The following GIPC1 variants were observed in gnomAD, a reference collection of about 807,000 sequenced individuals.
The protein encoded by GIPC1 is PDZ domain-containing protein GIPC1.
GIPC1 carries 15 observed loss-of-function variants against 28.5 expected under a neutral mutation model. The observed-to-expected ratio is 0.53, with a 90% CI of 0.35 to 0.81. The LOEUF is 0.81. Among genes scored for constraint, GIPC1 ranks in the 30% least tolerant of loss-of-function variants. GIPC1 has a pLI of 0.01. For missense variants in GIPC1, 439 were observed against 481.9 expected, an observed-to-expected ratio of 0.91 and a Z score of 0.83; for synonymous variants, 224 against 206.1, an observed-to-expected ratio of 1.09 and a Z score of -0.74.
chr19:14,485,694 TATATATATAGAGAG>T (rs1433813108), intron 3 of GIPC1, among the ~76,000 whole-genome samples: 4 of 77,350 alleles, frequency 5.2e-5, no homozygotes, highest in Admixed American at 1.6e-4. Context: ...AATATATATA[TATATATATAGAGAG>T]AGAGAGAGAG....
intron 3 of GIPC1, among the ~76,000 whole-genome samples, chr19:14,487,476 C>T (rs924223881): frequency 4.6e-5 from 7 of 151,264 alleles, no homozygotes; most frequent in African/African-American, 1.2e-4. Flanking sequence ...CCTCGTGATT[C>T]GCTCGCCTCA....
intron 2 of GIPC1, among the ~76,000 whole-genome samples, chr19:14,492,652 A>C (rs1599365751): frequency 1.3e-5 from 2 of 152,180 alleles, no homozygotes; most frequent in Middle Eastern, 6.8e-3. Flanking sequence ...CCTTTTCCCA[A>C]GATCCCTACA....
chr19:14,486,346 C>G (rs2071843413), intron 3 of GIPC1, among the ~76,000 whole-genome samples: 1 of 152,198 alleles, frequency 6.6e-6, no homozygotes, highest in South Asian at 2.1e-4. Context: ...GACTCTCCCC[C>G]TTTGGACCAA....
chr19:14,479,898 C>G (rs1816023406), intron 6 of GIPC1: 3 of 397,524 alleles, frequency 7.5e-6, no homozygotes, highest in Non-Finnish European at 1.4e-5. Context: ...ACCAGCCCTA[C>G]CTGCCCAGGG....
chr19:14,479,483 C>T lies in GIPC1; in HGVS notation c.697G>A (p.Gly233Ser). The T allele has an allele frequency of 6.9e-7, 1 of 1,443,824 alleles. No homozygotes were observed. 89.4% of individuals were successfully genotyped at this position (1,443,824 alleles called of 1,614,324 possible). The part of the protein sequence containing the change: ...QRSAGGRPGS[G>S]PQLGTGRGTL... ...CCTCGGCCAGTGCCCAGTTGTGGGC[C>T]AGAGCCAGGGCGGCCACCCGCTGAA... Residue 233 changes from glycine to serine, a missense_variant, in exon 7 of 9, where the codon GGC becomes AGC. Gly to Ser is a moderately conservative substitution (Grantham distance 56). Coordinates refer to ENST00000393033, the MANE Select transcript of GIPC1 (RefSeq NM_005716.4).
chr19:14,494,846 G>A (rs1009117677), intron 1 of GIPC1, among the ~76,000 whole-genome samples: 5 of 152,126 alleles, frequency 3.3e-5, no homozygotes, highest in Admixed American at 2.6e-4. Flanking sequence ...GAGTGTTTGG[G>A]CTGGAATTTC....
intron 3 of GIPC1, among the ~76,000 whole-genome samples, chr19:14,490,756 G>A (rs897096379): frequency 6.0e-5 from 9 of 148,846 alleles, no homozygotes; most frequent in Admixed American, 2.7e-4. Context: ...GGTGGATCAC[G>A]AGGTCAGGAG....
intron 3 of GIPC1, chr19:14,483,434 T>C (rs191749140): frequency 2.3e-3 from 349 of 155,082 alleles, no homozygotes; most frequent in African/African-American, 8.3e-3. Context: ...CTAGCCTGGG[T>C]GACAGACTAA....
chr19:14,489,202 C>T (rs965720085), intron 3 of GIPC1, among the ~76,000 whole-genome samples: 5 of 152,180 alleles, frequency 3.3e-5, no homozygotes, highest in Non-Finnish European at 7.3e-5. Context: ...GGATTATAGG[C>T]ATGAGCTACC....
At position 14,483,060 on chromosome 19, in the gene GIPC1, C is replaced by T. The variant is rs979779157; in HGVS notation, c.-30-54G>A. 22 of 1,263,760 alleles carry T rather than the reference C, an allele frequency of 1.7e-5. No homozygotes were observed. In the African/African-American group the frequency reaches 2.8e-4, roughly 16 times the overall value. 78.3% of individuals were successfully genotyped at this position (1,263,760 alleles called of 1,614,324 possible). A position where few individuals can be genotyped will look rare whatever the true frequency, so the allele number is the denominator to read the frequency against. ...CTGGGCAGAGGCCTTGGGTGCCCCT[C>T]CCACACTACTCGAACCATACAGGCC... On this transcript the variant is annotated intron_variant, in intron 3 of 8. Coordinates refer to ENST00000393033, the MANE Select transcript of GIPC1 (RefSeq NM_005716.4).
At chr19:14,487,399 ATTTT>A (rs974488669) in intron 3 of GIPC1, among the ~76,000 whole-genome samples, 1 of 150,848 alleles carries the variant, frequency 6.6e-6, no homozygotes, top group South Asian at 2.1e-4. Context: ...TGCCCGGCTA[ATTTT>A]TTTTGTGTTT....
At chr19:14,479,546 T>A in intron 6 of GIPC1, 22 bp from the exon 7 acceptor site, 3 of 1,277,074 alleles carry the variant, frequency 2.3e-6, no homozygotes, top group Non-Finnish European at 3.1e-6. Context: ...AGGAGAGGAG[T>A]GAGTGTGGGG....
In GIPC1 at chr19:14,478,457, C is replaced by T. The variant is rs369693566; in HGVS notation, c.961G>A (p.Val321Ile). 56 of 1,612,466 alleles carry T rather than the reference C, an allele frequency of 3.5e-5. No homozygotes were observed. Among genetic ancestry groups the T allele is most frequent in the Middle Eastern group, 1.6e-4 (1 of 6,078 alleles). The change falls in exon 9 of 9, where the codon GTC becomes ATC. Residue 321 changes from valine (V) to isoleucine (I), a missense_variant. By Grantham distance (29) the Val-to-Ile change is conservative (BLOSUM62 3). Coordinates refer to ENST00000393033, the MANE Select transcript of GIPC1 (RefSeq NM_005716.4). This position sits in a 1 kb window ranked among gnomAD's most constrained non-coding sequence, Gnocchi z 5.2. ...FAFPDEFVFD[V>I]WGAIGDAKVG... ...TTGGCGTCCCCAATGGCGCCCCAGA[C>T]GTCAAAGACGAACTCGTCAGGGAAG...
chr19:14,490,234 T>C (rs1323421445), intron 3 of GIPC1, among the ~76,000 whole-genome samples: 1 of 151,144 alleles, frequency 6.6e-6, no homozygotes, highest in South Asian at 2.1e-4. Flanking sequence ...GGCACGGTGG[T>C]GGGCACCTGT....
chr19:14,484,265 A>G (rs1599353955), intron 3 of GIPC1, among the ~76,000 whole-genome samples: 1 of 151,756 alleles, frequency 6.6e-6, no homozygotes, highest in Middle Eastern at 3.4e-3. Flanking sequence ...CCTCCCAAGA[A>G]GCTGGGATTA....
chr19:14,488,288 T>C (rs896906127), intron 3 of GIPC1, among the ~76,000 whole-genome samples: 2 of 151,628 alleles, frequency 1.3e-5, no homozygotes, highest in South Asian at 4.2e-4. Context: ...CCATCTCTAC[T>C]AAAAATACAA....
intron 6 of GIPC1, 58 bp from the exon 7 acceptor site, chr19:14,479,582 G>T: frequency 1.2e-6 from 1 of 866,570 alleles, no homozygotes; most frequent in Non-Finnish European, 1.7e-6. Flanking sequence ...CACGTTCTGG[G>T]CAGGAACTTG....
intron 3 of GIPC1, among the ~76,000 whole-genome samples, chr19:14,485,831 C>T (rs964435325): frequency 7.3e-5 from 11 of 150,998 alleles, no homozygotes; most frequent in African/African-American, 1.9e-4. Context: ...AGTACAGTGG[C>T]GCGATCTCGG....
chr19:14,486,565 C>T (rs1437761613), intron 3 of GIPC1, among the ~76,000 whole-genome samples: 1 of 152,018 alleles, frequency 6.6e-6, no homozygotes, highest in Non-Finnish European at 1.5e-5. Flanking sequence ...TGAATGACTA[C>T]GGTGAATGGT....
Sources: gnomAD v4.1 joint callset for allele counts (sites outside exome capture counted in the v4.1 genomes callset) on GRCh38, gnomAD v4.1.1 for gene constraint, Gnocchi (gnomAD v3.1) non-coding constraint, MANE v1.5 for transcripts, NCBI Gene and HGNC (gene_info 2026-07-23, HGNC 2026-07-21) for gene names.